CELF1: variants seen among roughly 807,000 people sequenced by gnomAD.
The protein encoded by CELF1 is CUGBP Elav-like family member 1, also known as 50 kDa nuclear polyadenylated RNA-binding protein.
A neutral mutation model predicts 61.8 loss-of-function variants in CELF1; 10 were observed. The ratio of observed to expected loss-of-function variants is 0.16; its 90% CI spans 0.10 to 0.27. The LOEUF is 0.27. Among genes scored for constraint, CELF1 ranks in the 10% least tolerant of loss-of-function variants. The pLI, the probability that CELF1 is intolerant of heterozygous loss-of-function variation, is 1.00. For synonymous variants in CELF1, 236 were observed against 225.1 expected (o/e 1.05, Z -0.43); for missense variants, 380 against 639.1 (o/e 0.59, Z 4.37).
intron 1 of CELF1, among the ~76,000 whole-genome samples, chr11:47,550,192 C>G (rs2097101515): frequency 6.6e-6 from 1 of 152,036 alleles, no homozygotes; most frequent in African/African-American, 2.4e-5. Context: ...AGTTCAAAAC[C>G]AGCCTGGGCA....
chr11:47,478,556 A>G (rs2081282356), intron 10 of CELF1, among the ~76,000 whole-genome samples: 2 of 152,242 alleles, frequency 1.3e-5, no homozygotes, highest in African/African-American at 4.8e-5. Context: ...ATGGAAATAA[A>G]GAGTTCTTGC....
At chr11:47,486,426 T>C (rs576103038) in intron 6 of CELF1, among the ~76,000 whole-genome samples, 1 of 152,174 alleles carries the variant, frequency 6.6e-6, no homozygotes, top group African/African-American at 2.4e-5. Flanking sequence ...TTTTTTTTTT[T>C]TGAGACAGAG....
chr11:47,517,118 G>A (rs1312371162), intron 1 of CELF1, among the ~76,000 whole-genome samples: 2 of 151,830 alleles, frequency 1.3e-5, no homozygotes, highest in Admixed American at 6.6e-5. Context: ...GTGGTGGCAC[G>A]TGCCTGTAGT....
At chr11:47,478,569 T>A (rs1331099541) in intron 10 of CELF1, among the ~76,000 whole-genome samples, 7 of 152,192 alleles carry the variant, frequency 4.6e-5, no homozygotes, top group African/African-American at 1.4e-4. Context: ...GTTCTTGCAA[T>A]TTTTTCCCCT....
At chr11:47,502,043 A>G (rs1166911162) in intron 1 of CELF1, among the ~76,000 whole-genome samples, 1 of 152,204 alleles carries the variant, frequency 6.6e-6, no homozygotes, top group East Asian at 1.9e-4. Flanking sequence ...TCTCCTTAAA[A>G]TAGTTTCCAC....
intron 3 of CELF1, among the ~76,000 whole-genome samples, chr11:47,489,935 G>GTTTTTTTCTTTTTTTTTTTTTTTTTTTT (rs2090255781): frequency 2.1e-5 from 1 of 48,226 alleles, no homozygotes; most frequent in African/African-American, 7.8e-5. Flanking sequence ...ATACCATCTT[G>GTTTTTTTCTTTTTTTTTTTTTTTTTTTT]TTTTTTTTTT....
At chr11:47,533,636 A>ATACATACATACG (rs1555188513) in intron 1 of CELF1, among the ~76,000 whole-genome samples, 2 of 390 alleles carry the variant, frequency 5.1e-3, no homozygotes, top group Non-Finnish European at 0.038. Flanking sequence ...AAATAAATAA[A>ATACATACATACG]TACATACATA....
rs900263713 is a variant in CELF1 at position 47,470,599 on chromosome 11, G to C, written c.*1631C>G. The C allele has an allele frequency of 1.3e-5, 2 of 152,150 alleles. No individual in the cohort carries two copies. The highest frequency in any genetic ancestry group is 3.8e-4 in the East Asian group (2 of 5,196). 9.4% of individuals were successfully genotyped at this position (152,150 alleles called of 1,614,324 possible). A position where few individuals can be genotyped will look rare whatever the true frequency, so the allele number is the denominator to read the frequency against. On this transcript the variant is annotated 3_prime_UTR_variant, in exon 15 of 15. Transcript: ENST00000687097. ...GTCAATCCCTGTCTGTTACCCACAG[G>C]GACAGCATGACAAGGAGAGAGCCCC...
intron 2 of CELF1, among the ~76,000 whole-genome samples, chr11:47,500,200 T>A (rs1172909589): frequency 1.3e-5 from 2 of 152,176 alleles, no homozygotes; most frequent in Non-Finnish European, 2.9e-5. Flanking sequence ...GCCTTGCTTT[T>A]TTTTTTTTCT....
At chr11:47,490,228 G>A (rs776958614) in intron 3 of CELF1, among the ~76,000 whole-genome samples, 7 of 151,532 alleles carry the variant, frequency 4.6e-5, no homozygotes, top group Non-Finnish European at 8.8e-5. Context: ...GAGCCACCAC[G>A]CCTGGCCTCA....
intron 2 of CELF1, among the ~76,000 whole-genome samples, chr11:47,562,363 C>G (rs928316311): frequency 2.0e-5 from 3 of 151,370 alleles, no homozygotes; most frequent in Non-Finnish European, 2.9e-5. Context: ...CTGTCTCTAC[C>G]AAAAATACAA....
At chr11:47,539,469 A>G (rs999692721) in intron 1 of CELF1, among the ~76,000 whole-genome samples, 2 of 152,144 alleles carry the variant, frequency 1.3e-5, no homozygotes, top group Admixed American at 6.6e-5. Context: ...CACGGCTAAC[A>G]TGGTGAAACC....
intron 1 of CELF1, among the ~76,000 whole-genome samples, chr11:47,508,968 C>A (rs1053514112): frequency 6.6e-6 from 1 of 152,114 alleles, no homozygotes; most frequent in East Asian, 1.9e-4. Flanking sequence ...GGGGTTTCAC[C>A]ATGTTGGTCA....
chr11:47,517,935 C>T (rs912926303), intron 1 of CELF1, among the ~76,000 whole-genome samples: 1 of 152,010 alleles, frequency 6.6e-6, no homozygotes, highest in South Asian at 2.1e-4. Context: ...GCCACTGTGC[C>T]CGGCCTACTG....
At chr11:47,518,341 T>C (rs1049181394) in intron 1 of CELF1, among the ~76,000 whole-genome samples, 4 of 152,240 alleles carry the variant, frequency 2.6e-5, no homozygotes, top group East Asian at 1.9e-4. Context: ...TGTATAGCTA[T>C]ACATTTTCTT....
intron 11 of CELF1, 62 bp downstream of exon 11, chr11:47,477,235 C>T: frequency 1.3e-6 from 2 of 1,590,100 alleles, no homozygotes; most frequent in Non-Finnish European, 1.7e-6. Context: ...TGGACTCTGC[C>T]TTTAAACACA....
intron 1 of CELF1, among the ~76,000 whole-genome samples, chr11:47,516,052 A>T (rs1175739987): frequency 3.9e-5 from 6 of 151,966 alleles, no homozygotes. Context: ...AAAATACAAA[A>T]ATTAGCTGGG....
chr11:47,517,714 G>A (rs1041283031), intron 1 of CELF1, among the ~76,000 whole-genome samples: 1 of 151,658 alleles, frequency 6.6e-6, no homozygotes, highest in East Asian at 1.9e-4. Context: ...GTACAATGGC[G>A]CAATATTGGC....
chr11:47,481,614 A>C (rs1029071920), intron 9 of CELF1, among the ~76,000 whole-genome samples: 7 of 152,164 alleles, frequency 4.6e-5, no homozygotes, highest in Admixed American at 4.6e-4. Context: ...CATCCATACA[A>C]ATCTAGTGGT....
Sources: allele counts gnomAD v4.1 joint callset (sites outside exome capture counted in the v4.1 genomes callset), GRCh38; gene constraint gnomAD v4.1.1; transcripts MANE v1.5; gene names NCBI Gene and HGNC (gene_info 2026-07-23, HGNC 2026-07-21).